The following PLPP3 variants were observed in gnomAD, a reference collection of about 807,000 sequenced individuals.
The protein encoded by PLPP3 is PAP2 beta.
Under a neutral mutation model 29.6 loss-of-function variants are expected in PLPP3, and 6 were observed. The ratio of observed to expected loss-of-function variants is 0.20; its 90% CI spans 0.11 to 0.40. The LOEUF (loss-of-function observed/expected upper bound fraction) is 0.40, where lower values mean the gene tolerates loss of function less well. Ranked by LOEUF, PLPP3 falls within the 10% of genes least tolerant of loss-of-function variation. The pLI is 1.00. For missense variants in PLPP3, 308 were observed against 407.7 expected (o/e 0.76, Z 2.11); for synonymous variants, 152 against 159.7 (o/e 0.95, Z 0.36).
chr1:56,571,036 CG>C (rs1232171966), intron 1 of PLPP3, among the ~76,000 whole-genome samples: 4 of 152,286 alleles, frequency 2.6e-5, no homozygotes, highest in Non-Finnish European at 4.4e-5. Context: ...TTTCTACTGA[CG>C]CACGCAAGAG....
At chr1:56,540,434 A>G (rs1482486742) in intron 1 of PLPP3, among the ~76,000 whole-genome samples, 1 of 152,252 alleles carries the variant, frequency 6.6e-6, no homozygotes, top group East Asian at 1.9e-4. Flanking sequence ...ATGAATGTTA[A>G]AAAGAGAAGG....
At chr1:56,540,947 C>T (rs1052330720) in intron 1 of PLPP3, among the ~76,000 whole-genome samples, 2 of 152,158 alleles carry the variant, frequency 1.3e-5, no homozygotes, top group African/African-American at 4.8e-5. Flanking sequence ...ACTATAGTCC[C>T]TTATCACTTC....
At chr1:56,512,829 T>G (rs1176993361) in intron 4 of PLPP3, 1 of 152,124 alleles carries the variant, frequency 6.6e-6, no homozygotes, top group Non-Finnish European at 1.5e-5. Flanking sequence ...AAACTAATAA[T>G]TAAAGAGCAG....
chr1:56,551,242 G>A lies in PLPP3; in HGVS notation c.140-14130C>T, dbSNP rs1003179880. ...ATTTCACAGCCCATGTTAATCAAGC[G>A]AACACCAGAGAAATCAAAAATGGCT... On this transcript the variant is annotated intron_variant, in intron 1 of 5. Coordinates refer to ENST00000371250, the MANE Select transcript of PLPP3 (RefSeq NM_003713.5). 5.4e-5 allele frequency among the ~76,000 whole-genome samples: 7 copies of A among 129,004 alleles called. 1 individual carries two copies. Among genetic ancestry groups the A allele is most frequent in the African/African-American group, 2.0e-4 (7 of 35,566 alleles). 84.6% of individuals were successfully genotyped at this position (129,004 alleles called of 152,430 possible). A position where few individuals can be genotyped will look rare whatever the true frequency, so the allele number is the denominator to read the frequency against.
At chr1:56,560,578 A>C (rs1339903669) in intron 1 of PLPP3, among the ~76,000 whole-genome samples, 3 of 152,050 alleles carry the variant, frequency 2.0e-5, no homozygotes, top group African/African-American at 7.2e-5. Flanking sequence ...GGGGCTAAAA[A>C]GCTCCCTCAG....
In PLPP3 at chr1:56,495,947, A is replaced by T. The variant is rs1380349147; in HGVS notation, c.*604T>A. The T allele has an allele frequency of 6.5e-6, 1 of 152,768 alleles. No homozygotes were observed. The highest frequency in any genetic ancestry group is 1.5e-5 in the Non-Finnish European group (1 of 68,132). 9.5% of individuals were successfully genotyped at this position (152,768 alleles called of 1,614,324 possible). A position where few individuals can be genotyped will look rare whatever the true frequency, so the allele number is the denominator to read the frequency against. ...GAGTCTGCTAATCACTAATGTGAGG[A>T]ACTATGGTTGTTGGCCTATGGGCAG... On this transcript the variant is annotated 3_prime_UTR_variant, in exon 6 of 6. Transcript: ENST00000371250.
chr1:56,574,278 C>T (rs1303495438), intron 1 of PLPP3, among the ~76,000 whole-genome samples: 1 of 152,028 alleles, frequency 6.6e-6, no homozygotes, highest in Admixed American at 6.6e-5. Flanking sequence ...CAGGGCTTAC[C>T]TACTAAATGA....
chr1:56,501,536 A>G (rs1645668259), intron 5 of PLPP3, among the ~76,000 whole-genome samples: 1 of 152,158 alleles, frequency 6.6e-6, no homozygotes, highest in South Asian at 2.1e-4. Flanking sequence ...GCCCCTGGTA[A>G]CCATCAATCT....
At position 56,567,657 on chromosome 1, in the gene PLPP3, A is replaced by C. The variant is rs915269880; in HGVS notation, c.139+11221T>G. Among the ~76,000 whole-genome samples the C allele has an allele frequency of 8.5e-5, 13 of 152,220 alleles. No individual in the cohort carries two copies. The South Asian group carries it at 1.2e-3, about 15-fold the overall frequency. ...CGTGATCCACCCGCCTCGGCCTCCC[A>C]AAGTGCTGGGATTACAGGCGTGAGC... On this transcript the variant is annotated intron_variant, in intron 1 of 5. Coordinates refer to ENST00000371250, the MANE Select transcript of PLPP3 (RefSeq NM_003713.5).
intron 1 of PLPP3, among the ~76,000 whole-genome samples, chr1:56,575,851 G>A (rs1646231733): frequency 6.6e-6 from 1 of 152,122 alleles, no homozygotes; most frequent in South Asian, 2.1e-4. Flanking sequence ...CTTCTTACCT[G>A]GGAATCGTCT....
chr1:56,550,955 C>T (rs533418918), intron 1 of PLPP3, among the ~76,000 whole-genome samples: 1 of 151,966 alleles, frequency 6.6e-6, no homozygotes, highest in Non-Finnish European at 1.5e-5. Context: ...GAGAGCAAGG[C>T]CCCCGGAATT....
In PLPP3 at chr1:56,512,132, G is replaced by T. The variant is rs751654402; in HGVS notation, c.654C>A (p.Phe218Leu). 2 of 1,605,508 alleles carry T rather than the reference G, an allele frequency of 1.2e-6. No individual in the cohort carries two copies. The highest frequency in any genetic ancestry group is 2.2e-5 in the South Asian group (2 of 89,836). ...GGAGCAGGCGGGCTCCTCGCCAAGT[G>T]AAGCGGGCCTGCAGGTATAGCTGGA... ...LYLVLYLQAR[F>L]TWRGARLLRP... The change falls in exon 5 of 6, where the codon TTC becomes TTA. Residue 218 changes from phenylalanine to leucine, a missense_variant. By Grantham distance (22) the Phe-to-Leu change is conservative (BLOSUM62 0). Transcript: ENST00000371250.
chr1:56,501,060 G>A (rs180772145), intron 5 of PLPP3, among the ~76,000 whole-genome samples: 39 of 147,748 alleles, frequency 2.6e-4, no homozygotes, highest in African/African-American at 9.2e-4. Flanking sequence ...AAATGGAGAC[G>A]GAGTCAAAAA....
intron 4 of PLPP3, chr1:56,517,121 T>G (rs1376577629): frequency 1.3e-5 from 2 of 152,350 alleles, no homozygotes; most frequent in South Asian, 2.1e-4. Flanking sequence ...TCTCACTTCA[T>G]TTCCATTGCT....
intron 1 of PLPP3, among the ~76,000 whole-genome samples, chr1:56,539,667 G>A (rs1029102337): frequency 1.3e-5 from 2 of 152,174 alleles, no homozygotes; most frequent in Non-Finnish European, 2.9e-5. Flanking sequence ...GAGGAGAGGG[G>A]GGCAGGGAAA....
At chr1:56,497,559 T>C (rs768645634) in intron 5 of PLPP3, among the ~76,000 whole-genome samples, 1 of 152,254 alleles carries the variant, frequency 6.6e-6, no homozygotes, top group South Asian at 2.1e-4. Flanking sequence ...ATCAGTCATG[T>C]AATTTAATAG....
intron 5 of PLPP3, among the ~76,000 whole-genome samples, chr1:56,504,983 G>C (rs1645692989): frequency 6.6e-6 from 1 of 152,088 alleles, no homozygotes; most frequent in Non-Finnish European, 1.5e-5. Flanking sequence ...GAAAATATCA[G>C]AATTTCTCAC....
chr1:56,573,007 G>A (rs1318365999), intron 1 of PLPP3, among the ~76,000 whole-genome samples: 1 of 152,178 alleles, frequency 6.6e-6, no homozygotes, highest in Non-Finnish European at 1.5e-5. Context: ...CAGATTTGGG[G>A]AAATCCAAAG....
Position 56,496,507 on chromosome 1 carries a change from G to C in PLPP3, c.*44C>G. 1 of 1,606,252 alleles carries C rather than the reference G, an allele frequency of 6.2e-7. No homozygotes were observed. Among genetic ancestry groups the C allele is most frequent in the Non-Finnish European group, 8.5e-7 (1 of 1,174,074 alleles). Reference sequence around the variant, plus strand: ...GATTGGAGAGCAGCAAGAACTTGCTGTCAGCAGTCATTTTACAAAAACAGC... The same window carrying C: ...GATTGGAGAGCAGCAAGAACTTGCTCTCAGCAGTCATTTTACAAAAACAGC... On this transcript the variant is annotated 3_prime_UTR_variant, in exon 6 of 6. Transcript: ENST00000371250.
Sources: gnomAD v4.1 joint callset for allele counts (sites outside exome capture counted in the v4.1 genomes callset) on GRCh38, gnomAD v4.1.1 for gene constraint, MANE v1.5 for transcripts, NCBI Gene and HGNC (gene_info 2026-07-23, HGNC 2026-07-21) for gene names.